Variants in WDHD1 observed in about 807,000 individuals in gnomAD.
WDHD1 encodes the protein WD repeat and HMG-box DNA binding protein 1.
Under a neutral mutation model 135.4 loss-of-function variants are expected in WDHD1, and 111 were observed. That is an observed-to-expected ratio of 0.82 (90% confidence interval 0.70 to 0.96). The LOEUF (loss-of-function observed/expected upper bound fraction) is 0.96, where lower values mean the gene tolerates loss of function less well. Ranked by LOEUF, WDHD1 falls within the 40% of genes least tolerant of loss-of-function variation. The pLI is 0.00. For synonymous variants in WDHD1, 434 were observed against 439.0 expected (o/e 0.99, Z 0.14); for missense variants, 1,351 against 1,336.3 (o/e 1.01, Z -0.17).
At chr14:54,954,607 T>C (rs1453421552) in intron 24 of WDHD1, among the ~76,000 whole-genome samples, 1 of 152,236 alleles carries the variant, frequency 6.6e-6, no homozygotes, top group African/African-American at 2.4e-5. Flanking sequence ...GAGAACTACA[T>C]GAACTATGAC....
At chr14:54,975,370 CAG>C (rs915668465) in intron 16 of WDHD1, among the ~76,000 whole-genome samples, 2 of 150,952 alleles carry the variant, frequency 1.3e-5, no homozygotes, top group African/African-American at 2.4e-5. Flanking sequence ...TTTTTTGAGA[CAG>C]AGTTTCCCTC....
intron 16 of WDHD1, among the ~76,000 whole-genome samples, chr14:54,971,144 C>A (rs890146483): frequency 8.5e-5 from 13 of 152,108 alleles, no homozygotes; most frequent in Non-Finnish European, 1.2e-4. Flanking sequence ...CCAGAAGAAA[C>A]CCTAGCAAAT....
intron 11 of WDHD1, among the ~76,000 whole-genome samples, chr14:54,992,008 C>T (rs1415161392): frequency 1.3e-5 from 2 of 152,186 alleles, no homozygotes; most frequent in Non-Finnish European, 2.9e-5. Flanking sequence ...AATCCCAGCA[C>T]TTTGCAAGGC....
intron 24 of WDHD1, among the ~76,000 whole-genome samples, chr14:54,947,863 A>C (rs1475422900): frequency 1.3e-5 from 2 of 151,688 alleles, no homozygotes; most frequent in Non-Finnish European, 2.9e-5. Flanking sequence ...AAGTGCTGGG[A>C]TTACAGGCGT....
chr14:55,008,508 GAA>G, intron 5 of WDHD1, 98 bp downstream of exon 5: 3 of 1,439,388 alleles, frequency 2.1e-6, no homozygotes, highest in Admixed American at 4.5e-5. Flanking sequence ...AACAAAGGTT[GAA>G]AAGTTGAGTT....
chr14:55,002,524 G>C (rs1056776459), intron 7 of WDHD1, among the ~76,000 whole-genome samples: 4 of 152,058 alleles, frequency 2.6e-5, no homozygotes, highest in Non-Finnish European at 5.9e-5. Flanking sequence ...TTTGTCATGG[G>C]AAGAGAAAAA....
intron 12 of WDHD1, among the ~76,000 whole-genome samples, chr14:54,990,420 A>T (rs888806880): frequency 6.6e-6 from 1 of 152,084 alleles, no homozygotes; most frequent in Non-Finnish European, 1.5e-5. Flanking sequence ...ACATGGTGAA[A>T]TCCCATCTCT....
intron 21 of WDHD1, among the ~76,000 whole-genome samples, chr14:54,961,872 C>T (rs2041257489): frequency 6.6e-6 from 1 of 151,504 alleles, no homozygotes; most frequent in African/African-American, 2.4e-5. Context: ...AGTCTCACTC[C>T]ATTGCCCAGG....
chr14:55,023,878 T>C (rs1043576569), intron 2 of WDHD1, among the ~76,000 whole-genome samples: 14 of 152,256 alleles, frequency 9.2e-5, no homozygotes, highest in Non-Finnish European at 1.8e-4. Flanking sequence ...TACATTTCTC[T>C]TGACTGCGGA....
intron 24 of WDHD1, among the ~76,000 whole-genome samples, chr14:54,950,671 C>T (rs574410341): frequency 9.7e-4 from 147 of 152,308 alleles, no homozygotes; most frequent in African/African-American, 3.1e-3. Flanking sequence ...CGGAACTCTC[C>T]ACCCCAAATC....
At chr14:54,966,111 G>A (rs1177866659) in intron 18 of WDHD1, among the ~76,000 whole-genome samples, 1 of 146,184 alleles carries the variant, frequency 6.8e-6, no homozygotes, top group Non-Finnish European at 1.5e-5. Context: ...GGCGGATCAC[G>A]AGGTCAGGAG....
intron 24 of WDHD1, among the ~76,000 whole-genome samples, chr14:54,949,473 A>G (rs920049584): frequency 4.6e-5 from 7 of 152,180 alleles, no homozygotes; most frequent in South Asian, 4.1e-4. Flanking sequence ...AAAGAAACAA[A>G]CAAAGCCTCC....
chr14:55,015,437 G>T (rs1243462978), intron 2 of WDHD1, among the ~76,000 whole-genome samples: 2 of 131,402 alleles, frequency 1.5e-5, no homozygotes, highest in African/African-American at 5.6e-5. Context: ...CCTCTTCTTT[G>T]TACTTCCAGC....
At chr14:54,944,587 G>T in intron 24 of WDHD1, 117 bp from the exon 25 acceptor site, 12 of 793,472 alleles carry the variant, frequency 1.5e-5, no homozygotes, top group African/African-American at 1.8e-5. Flanking sequence ...AAGTAAGGAA[G>T]ACACAGTTAC....
chr14:54,963,041 T>C lies in WDHD1; in HGVS notation c.2442A>G (p.Glu814=). 6.2e-7 allele frequency: 1 copy of C among 1,614,062 alleles called. No homozygotes were observed. Among genetic ancestry groups the C allele is most frequent in the Non-Finnish European group, 8.5e-7 (1 of 1,180,018 alleles). Reference sequence around the variant, plus strand: ...ATTCGGCTGCCTTCTCTACAGCCAGTTCACTTAGTTTTTGAGCCAGTATTA... The same window carrying C: ...ATTCGGCTGCCTTCTCTACAGCCAGCTCACTTAGTTTTTGAGCCAGTATTA... ...RKLILAQKLS[E]LAVEKAAELT... Residue 814 remains glutamate (E), a synonymous_variant, in exon 19 of 26, where the codon GAA becomes GAG. Coordinates refer to ENST00000360586, the MANE Select transcript of WDHD1 (RefSeq NM_007086.4).
chr14:54,991,464 AT>A, intron 11 of WDHD1, 64 bp from the exon 12 acceptor site: 1 of 1,488,794 alleles, frequency 6.7e-7, no homozygotes, highest in South Asian at 1.2e-5. Flanking sequence ...AAAGGAAAGC[AT>A]TATGGAATCT....
chr14:54,962,678 A>G, intron 20 of WDHD1, 60 bp downstream of exon 20: 2 of 1,588,212 alleles, frequency 1.3e-6, no homozygotes, highest in Non-Finnish European at 1.7e-6. Context: ...GTTAAGCAAA[A>G]TGGGAAAAGC....
At position 54,995,189 on chromosome 14, in the gene WDHD1, C is replaced by T. The variant is rs1205757965; in HGVS notation, c.1153+414G>A. On this transcript the variant is annotated intron_variant, in intron 11 of 25. Coordinates refer to ENST00000360586, the MANE Select transcript of WDHD1 (RefSeq NM_007086.4). ...AGAGACAGGGTTTTACCATGTTGGC[C>T]AGGCTGGTCTTGAACTCCTGACCTC... Among the ~76,000 whole-genome samples the T allele has an allele frequency of 2.6e-5, 4 of 152,234 alleles. No homozygotes were observed. The East Asian group carries it at 7.7e-4, about 29-fold the overall frequency.
chr14:54,974,806 C>T (rs757512913), intron 16 of WDHD1, among the ~76,000 whole-genome samples: 2 of 152,134 alleles, frequency 1.3e-5, no homozygotes, highest in African/African-American at 2.4e-5. Flanking sequence ...GCCTGGATGA[C>T]AGAATGAGAC....
Sources: allele counts gnomAD v4.1 joint callset (sites outside exome capture counted in the v4.1 genomes callset), GRCh38; gene constraint gnomAD v4.1.1; transcripts MANE v1.5; gene names NCBI Gene and HGNC (gene_info 2026-07-23, HGNC 2026-07-21).